Variants in WLS observed in about 807,000 individuals in gnomAD.
WLS encodes protein wntless homolog.
WLS carries 23 observed loss-of-function variants against 62.8 expected under a neutral mutation model. The observed-to-expected ratio is 0.37, with a 90% CI of 0.26 to 0.52. WLS has a LOEUF of 0.52. Among genes scored for constraint, WLS ranks in the 20% least tolerant of loss-of-function variants. WLS has a pLI of 0.92. For synonymous variants in WLS, 246 were observed against 244.1 expected, an observed-to-expected ratio of 1.01 and a Z score of -0.07; for missense variants, 615 against 697.3, an observed-to-expected ratio of 0.88 and a Z score of 1.33.
At chr1:68,128,933 T>C (rs1394057256) in intron 11 of WLS, among the ~76,000 whole-genome samples, 3 of 150,460 alleles carry the variant, frequency 2.0e-5, no homozygotes, top group Non-Finnish European at 4.4e-5. Context: ...CTCTCAACTT[T>C]TGGGTTCTGC....
intron 11 of WLS, among the ~76,000 whole-genome samples, chr1:68,106,623 T>C (rs367771132): frequency 6.6e-5 from 10 of 152,178 alleles, no homozygotes; most frequent in African/African-American, 2.4e-4. Context: ...GACATTTCAG[T>C]GTAGGCAGCT....
At chr1:68,102,684 T>G (rs900802793) in intron 11 of WLS, 20 of 152,162 alleles carry the variant, frequency 1.3e-4, no homozygotes, top group Admixed American at 3.9e-4. Context: ...CCCAGAAGAG[T>G]TGGAACGGGC....
At chr1:68,202,375 C>T (rs765046301) in intron 1 of WLS, 1 of 152,110 alleles carries the variant, frequency 6.6e-6, no homozygotes, top group Non-Finnish European at 1.5e-5. Context: ...CCAGTGGTGG[C>T]CTGGATTAGG....
intron 1 of WLS, among the ~76,000 whole-genome samples, chr1:68,204,389 G>C (rs1010080495): frequency 6.6e-6 from 1 of 151,728 alleles, no homozygotes; most frequent in Admixed American, 6.6e-5. Flanking sequence ...GCGCGGTCTC[G>C]GCTCACTGCA....
intron 11 of WLS, among the ~76,000 whole-genome samples, chr1:68,131,822 C>T (rs1646530441): frequency 1.3e-5 from 2 of 152,120 alleles, no homozygotes; most frequent in Admixed American, 1.3e-4. Flanking sequence ...CCTACTCCAA[C>T]AGACTGGTGT....
At chr1:68,131,086 G>GTGTGTGTT (rs1162444898) in intron 11 of WLS, among the ~76,000 whole-genome samples, 7 of 100,244 alleles carry the variant, frequency 7.0e-5, no homozygotes, top group Non-Finnish European at 6.8e-5. Flanking sequence ...GTGTGTGTGT[G>GTGTGTGTT]TTTTTAAGTA....
intron 2 of WLS, among the ~76,000 whole-genome samples, chr1:68,179,696 A>G (rs1458036387): frequency 2.6e-5 from 4 of 152,166 alleles, no homozygotes; most frequent in Non-Finnish European, 4.4e-5. Flanking sequence ...TGTCAGGAGG[A>G]AAGTCAACTC....
At chr1:68,185,604 C>T (rs549505527) in intron 2 of WLS, among the ~76,000 whole-genome samples, 48 of 152,278 alleles carry the variant, frequency 3.2e-4, no homozygotes, top group Non-Finnish European at 5.3e-4. Context: ...CTGCATGCTC[C>T]TTATGAGAAT....
intron 2 of WLS, among the ~76,000 whole-genome samples, chr1:68,163,561 C>G (rs1647017024): frequency 6.6e-6 from 1 of 151,762 alleles, no homozygotes; most frequent in African/African-American, 2.4e-5. Context: ...CTCTCCAGCT[C>G]CCCACCACTC....
chr1:68,144,712 G>T, intron 9 of WLS, 60 bp from the exon 10 acceptor site: 1 of 1,370,666 alleles, frequency 7.3e-7, no homozygotes, highest in Non-Finnish European at 1.0e-6. Context: ...TTCTCACTAT[G>T]TAAATCTATA....
At position 68,198,576 on chromosome 1, in the gene WLS, G is replaced by A. The variant is rs531312077; in HGVS notation, c.107-4349C>T. Among the ~76,000 whole-genome samples the A allele has an allele frequency of 1.1e-3, 167 of 152,120 alleles. 5 individuals carry two copies. Among genetic ancestry groups the A allele is most frequent in the Non-Finnish European group, 1.1e-3 (74 of 68,018 alleles). The stretch of plus-strand genomic sequence containing the variant: ...TCCCTCAGTTACACACATTACTATG[G>A]CTCACAGTATATTGTCCAAATTTGT... On this transcript the variant is annotated intron_variant, in intron 1 of 11. Coordinates refer to ENST00000262348, the MANE Select transcript of WLS (RefSeq NM_024911.7).
chr1:68,192,767 TTAAAAAA>T (rs1215540495), intron 2 of WLS, among the ~76,000 whole-genome samples: 6 of 107,826 alleles, frequency 5.6e-5, no homozygotes, highest in East Asian at 2.7e-4. Flanking sequence ...ACTCTGTCTC[TTAAAAAA>T]AAAAAAAAAA....
chr1:68,199,419 C>A (rs1473807474), intron 1 of WLS, among the ~76,000 whole-genome samples: 2 of 151,992 alleles, frequency 1.3e-5, no homozygotes, highest in Non-Finnish European at 2.9e-5. Context: ...CAGGGCTTAG[C>A]CTTGGAAGAG....
At chr1:68,157,269 C>T (rs1479963940) in intron 3 of WLS, among the ~76,000 whole-genome samples, 1 of 152,238 alleles carries the variant, frequency 6.6e-6, no homozygotes, top group African/African-American at 2.4e-5. Flanking sequence ...CACGATGGGT[C>T]TCTGGGTGCC....
chr1:68,151,638 A>G (rs185084326), intron 5 of WLS, among the ~76,000 whole-genome samples: 3 of 152,092 alleles, frequency 2.0e-5, no homozygotes, highest in East Asian at 3.9e-4. Flanking sequence ...GTGGAGAGCA[A>G]TGGGGATGTG....
At chr1:68,201,238 G>A (rs1252732364) in intron 1 of WLS, among the ~76,000 whole-genome samples, 1 of 152,276 alleles carries the variant, frequency 6.6e-6, no homozygotes, top group Middle Eastern at 3.4e-3. Flanking sequence ...CTGAAAGTCA[G>A]TTCCTAAAAA....
At chr1:68,132,260 G>C (rs1304953862) in intron 11 of WLS, among the ~76,000 whole-genome samples, 3 of 152,228 alleles carry the variant, frequency 2.0e-5, no homozygotes, top group Non-Finnish European at 4.4e-5. Flanking sequence ...CGGTCCATCA[G>C]TTGGTTCCCA....
At chr1:68,118,343 T>C (rs1203628583) in intron 11 of WLS, among the ~76,000 whole-genome samples, 1 of 152,162 alleles carries the variant, frequency 6.6e-6, no homozygotes, top group Non-Finnish European at 1.5e-5. Flanking sequence ...AAGTTGCAAA[T>C]TTCAAAACTA....
chr1:68,208,585 T>G (rs532757600), intron 1 of WLS, among the ~76,000 whole-genome samples: 3 of 152,332 alleles, frequency 2.0e-5, no homozygotes, highest in Admixed American at 6.5e-5. Flanking sequence ...TATATCCCCT[T>G]TACCATGCTT....
Sources: gnomAD v4.1 joint callset for allele counts (sites outside exome capture counted in the v4.1 genomes callset) on GRCh38, gnomAD v4.1.1 for gene constraint, MANE v1.5 for transcripts, NCBI Gene and HGNC (gene_info 2026-07-23, HGNC 2026-07-21) for gene names.